Variants in RAPSN observed in about 807,000 individuals in gnomAD.
The protein encoded by RAPSN is receptor associated protein of the synapse, also known as 43 kDa receptor-associated protein of the synapse.
RAPSN carries 33 observed loss-of-function variants against 45.7 expected under a neutral mutation model. The ratio of observed to expected loss-of-function variants is 0.72; its 90% CI spans 0.55 to 0.97. The LOEUF is 0.97. Ranked by LOEUF, RAPSN falls within the 50% of genes least tolerant of loss-of-function variation. The pLI, the probability that RAPSN is intolerant of heterozygous loss-of-function variation, is 0.00. For synonymous variants in RAPSN, 244 were observed against 233.6 expected (o/e 1.04, Z -0.40); for missense variants, 519 against 559.4 (o/e 0.93, Z 0.73).
rs549198186 is a variant in RAPSN, at chr11:47,440,880, A to G, written c.966+279T>C. Among the ~76,000 whole-genome samples the G allele has an allele frequency of 2.4e-3, 363 of 152,182 alleles. 3 individuals are homozygous for G. The highest frequency in any genetic ancestry group is 5.4e-3 in the Admixed American group (82 of 15,278). On this transcript the variant is annotated intron_variant, in intron 6 of 7. Coordinates refer to ENST00000298854, the MANE Select transcript of RAPSN (RefSeq NM_005055.5). ...GCCTCCCAAAATTCTAGGATTATAG[A>G]TGTGAGCCACCATGTCCAGCCCACT...
In RAPSN at chr11:47,447,885, G is replaced by T. The variant is rs2076421518; in HGVS notation, c.458C>A (p.Ala153Asp). 1 of 1,613,468 alleles carries T rather than the reference G, an allele frequency of 6.2e-7. No homozygotes were observed. Among genetic ancestry groups the T allele is most frequent in the East Asian group, 2.2e-5 (1 of 44,856 alleles). Residue 153 changes from alanine (A) to aspartate (D), a missense_variant, in exon 2 of 8, where the codon GCC becomes GAC. Physicochemically the swap from Ala to Asp is moderately radical, Grantham distance 126. Transcript: ENST00000298854. ...GAGCATGGCGTCATCATTGTTGTGG[G>T]CATAGCGCAGGGCCTTCTCGAAGCT... is the stretch of plus-strand genomic sequence containing the variant. ...LESFEKALRY[A>D]HNNDDAMLEC...
intron 1 of RAPSN, 68 bp from the exon 2 acceptor site, chr11:47,448,218 T>C: frequency 2.6e-6 from 4 of 1,544,010 alleles, no homozygotes; most frequent in Middle Eastern, 1.7e-4. Context: ...CAGCCTGCAC[T>C]GCAGGCTCAG....
intron 2 of RAPSN, among the ~76,000 whole-genome samples, chr11:47,447,468 T>G (rs2076416328): frequency 6.6e-6 from 1 of 152,156 alleles, no homozygotes; most frequent in Non-Finnish European, 1.5e-5. Context: ...AGTCCTATTC[T>G]CCTTCATTTT....
At chr11:47,439,441 T>C (rs1267555331) in intron 6 of RAPSN, among the ~76,000 whole-genome samples, 1 of 151,884 alleles carries the variant, frequency 6.6e-6, no homozygotes, top group African/African-American at 2.4e-5. Context: ...ACCACTGCAC[T>C]CCAGCCTGGG....
intron 2 of RAPSN, among the ~76,000 whole-genome samples, chr11:47,446,778 G>C (rs1054254425): frequency 2.6e-5 from 4 of 152,112 alleles, no homozygotes; most frequent in African/African-American, 9.7e-5. Context: ...GGTGGTATAC[G>C]CCTGTAGTCC....
At chr11:47,448,613 C>T (rs1189234655) in intron 1 of RAPSN, among the ~76,000 whole-genome samples, 160 bp downstream of exon 1, 1 of 152,240 alleles carries the variant, frequency 6.6e-6, no homozygotes, top group Non-Finnish European at 1.5e-5. Context: ...GACTCAGTAT[C>T]TAAGACCCAG....
At chr11:47,443,471 T>C (rs1028372775) in intron 2 of RAPSN, among the ~76,000 whole-genome samples, 2 of 152,134 alleles carry the variant, frequency 1.3e-5, no homozygotes, top group Non-Finnish European at 2.9e-5. Flanking sequence ...TCTCCGCACC[T>C]CTGCTCCCAC....
intron 5 of RAPSN, 195 bp downstream of exon 5, chr11:47,441,416 C>T: frequency 8.1e-7 from 1 of 1,234,476 alleles, no homozygotes. Flanking sequence ...AGGGTTCCAG[C>T]CCTTTACTAG....
intron 2 of RAPSN, 109 bp downstream of exon 2, chr11:47,447,679 TTGCTCTCTGATTCTCACTCTCCTC>T: frequency 9.1e-7 from 1 of 1,095,032 alleles, no homozygotes. Flanking sequence ...ATAAGCCTTT[TTGCTCTCTGATTCTCACTCTCCTC>T]AGCCCTCCCT....
chr11:47,445,101 G>A (rs2076394845), intron 2 of RAPSN, among the ~76,000 whole-genome samples: 1 of 148,432 alleles, frequency 6.7e-6, no homozygotes, highest in Non-Finnish European at 1.5e-5. Flanking sequence ...CGTGGTGGCA[G>A]GCGCCTGTAG....
chr11:47,446,169 CCTT>C (rs942352965), intron 2 of RAPSN, among the ~76,000 whole-genome samples: 6 of 151,800 alleles, frequency 4.0e-5, no homozygotes, highest in African/African-American at 1.5e-4. Flanking sequence ...CTCAAGCAAT[CCTT>C]CTGCTTGGCC....
chr11:47,442,972 G>C (rs543134612), intron 2 of RAPSN, among the ~76,000 whole-genome samples, 158 bp from the exon 3 acceptor site: 1 of 152,250 alleles, frequency 6.6e-6, no homozygotes, highest in Non-Finnish European at 1.5e-5. Context: ...GCCCGGTAGA[G>C]GGAACAGCCA....
chr11:47,438,482 C>T (rs2076332104), intron 7 of RAPSN: 1 of 577,508 alleles, frequency 1.7e-6, no homozygotes, highest in African/African-American at 1.9e-5. Flanking sequence ...ACCACCATGC[C>T]TGGGTAATTT....
Position 47,442,767 on chromosome 11 carries a change from G to T in RAPSN, c.579C>A (p.Val193=). ...LFFPCKAAEL[V]NNYGKGWSLK... ...GGCTCCAGCCTTTGCCATAGTTGTTGACAAGCTCTGCCGCCTTGCAGGGGA... is the reference window on the plus strand; with the variant it reads ...GGCTCCAGCCTTTGCCATAGTTGTTTACAAGCTCTGCCGCCTTGCAGGGGA... The change falls in exon 3 of 8, where the codon GTC becomes GTA. Residue 193 remains valine (V), a synonymous_variant. Coordinates refer to ENST00000298854, the MANE Select transcript of RAPSN (RefSeq NM_005055.5). 6.2e-7 allele frequency: 1 copy of T among 1,614,278 alleles called. No individual in the cohort carries two copies. The highest frequency in any genetic ancestry group is 8.5e-7 in the Non-Finnish European group (1 of 1,180,048).
intron 1 of RAPSN, 148 bp from the exon 2 acceptor site, chr11:47,448,298 C>T (rs2076426651): frequency 1.2e-6 from 1 of 862,830 alleles, no homozygotes; most frequent in East Asian, 2.7e-5. Flanking sequence ...TCTTTTCAGA[C>T]CCAGAGCTTC....
At chr11:47,448,738 T>A (rs375966945) in intron 1 of RAPSN, 35 bp downstream of exon 1, 12 of 1,602,378 alleles carry the variant, frequency 7.5e-6, no homozygotes, top group Non-Finnish European at 9.3e-6. Context: ...GGCCCCAGCC[T>A]GACCCTCGAA....
rs754557281 is a variant in RAPSN at position 47,448,900 on chromosome 11, G to C, written c.65C>G (p.Thr22Arg). 4 of 1,614,244 alleles carry C rather than the reference G, an allele frequency of 2.5e-6. No homozygotes were observed. The highest frequency in any genetic ancestry group is 3.4e-6 in the Non-Finnish European group (4 of 1,180,052). The change falls in exon 1 of 8, where the codon ACA becomes AGA. Residue 22 changes from threonine to arginine, a missense_variant. By Grantham distance (71) the Thr-to-Arg change is moderately conservative. Coordinates refer to ENST00000298854, the MANE Select transcript of RAPSN (RefSeq NM_005055.5). ...TGTCCACACCTGCAATGCCTTCTCT[G>C]TCTGGTTGGACTGGTACAGCTGGAG... ...KGLQLYQSNQ[T>R]EKALQVWTKV...
intron 3 of RAPSN, among the ~76,000 whole-genome samples, chr11:47,442,428 G>A (rs1375574220): frequency 6.6e-6 from 1 of 152,244 alleles, no homozygotes; most frequent in Non-Finnish European, 1.5e-5. Context: ...GGGAGGCCAA[G>A]ACACGAGGAT....
chr11:47,437,859 G>A lies in RAPSN; in HGVS notation c.*116C>T, dbSNP rs1171479771. 1 of 1,343,184 alleles carries A rather than the reference G, an allele frequency of 7.4e-7. No individual in the cohort carries two copies. Among genetic ancestry groups the A allele is most frequent in the Admixed American group, 2.0e-5 (1 of 50,694 alleles). 83.2% of individuals were successfully genotyped at this position (1,343,184 alleles called of 1,614,324 possible). ...GGGAGCAGCCCTGGGCAGGCCCCAA[G>A]GCCTTGGCTATGGTGAGGACGACCT... On this transcript the variant is annotated 3_prime_UTR_variant, in exon 8 of 8. Coordinates refer to ENST00000298854, the MANE Select transcript of RAPSN (RefSeq NM_005055.5).
Sources: gnomAD v4.1 joint callset for allele counts (sites outside exome capture counted in the v4.1 genomes callset) on GRCh38, gnomAD v4.1.1 for gene constraint, MANE v1.5 for transcripts, NCBI Gene and HGNC (gene_info 2026-07-23, HGNC 2026-07-21) for gene names.